Variants in SYNE2 observed in about 807,000 individuals in gnomAD.
SYNE2 encodes the protein spectrin repeat containing nuclear envelope protein 2.
In SYNE2, 431 loss-of-function variants were observed where a neutral mutation model predicts 856.3. The observed-to-expected ratio is 0.50, with a 90% CI of 0.47 to 0.55. The LOEUF is 0.55. SYNE2 is among the 20% of genes least tolerant of loss of function. The pLI, the probability that SYNE2 is intolerant of heterozygous loss-of-function variation, is 0.00. For synonymous variants in SYNE2, 2,923 were observed against 2,872.3 expected, an observed-to-expected ratio of 1.02 and a Z score of -0.56; for missense variants, 8,129 against 8,023.2, an observed-to-expected ratio of 1.01 and a Z score of -0.50.
rs749666719 is a variant in SYNE2, at chr14:64,224,533, G to T, written c.20455G>T (p.Ala6819Ser). 1 of 1,614,004 alleles carries T rather than the reference G, an allele frequency of 6.2e-7. No homozygotes were observed. Among genetic ancestry groups the T allele is most frequent in the Non-Finnish European group, 8.5e-7 (1 of 1,180,028 alleles). ...GDQPPATSVP[A>S]PRAKFRAVRT... ...CCAGCCTCCTGCAACATCCGTGCCAGCTCCCCGAGCAAAGGTAAGAAGCCC... is the reference window on the plus strand; with the variant it reads ...CCAGCCTCCTGCAACATCCGTGCCATCTCCCCGAGCAAAGGTAAGAAGCCC... The change falls in exon 114 of 116, where the codon GCT becomes TCT. Residue 6819 changes from alanine (A) to serine (S), a missense_variant. By Grantham distance (99) the Ala-to-Ser change is moderately conservative. Coordinates refer to ENST00000555002, the MANE Select transcript of SYNE2 (RefSeq NM_182914.3).
intron 84 of SYNE2, among the ~76,000 whole-genome samples, chr14:64,149,997 T>C (rs1028292864): frequency 2.7e-4 from 39 of 145,244 alleles, no homozygotes; most frequent in Non-Finnish European, 4.2e-4. Context: ...ATGGCTTTTT[T>C]TTTTCTTTTC....
intron 60 of SYNE2, 92 bp from the exon 61 acceptor site, chr14:64,093,257 A>G (rs1190526071): frequency 6.7e-7 from 1 of 1,485,376 alleles, no homozygotes; most frequent in Non-Finnish European, 9.3e-7. Context: ...GCTGTGAGTG[A>G]TTAAAACTTC....
intron 1 of SYNE2, among the ~76,000 whole-genome samples, chr14:63,766,884 A>G (rs1421612559): frequency 1.3e-5 from 2 of 152,162 alleles, no homozygotes; most frequent in African/African-American, 4.8e-5. Context: ...GAAGGTAGGT[A>G]GTACAGAGGA....
intron 100 of SYNE2, chr14:64,208,220 G>T: frequency 2.2e-6 from 1 of 453,520 alleles, no homozygotes; most frequent in Non-Finnish European, 4.4e-6. Context: ...TCTCCCTTGG[G>T]CTCATGAAGC....
rs1352449938 is a variant in SYNE2 at position 64,087,865 on chromosome 14, GC to G, written c.11670+10del. ...TTCAGCGAATGGCTGATGTAAGTTT[GC>G]ACCATTCATTTAATCATTCAGGATT... On this transcript the variant is annotated intron_variant, in intron 58 of 115. Coordinates refer to ENST00000555002, the MANE Select transcript of SYNE2 (RefSeq NM_182914.3). The G allele has an allele frequency of 1.9e-6, 3 of 1,613,324 alleles. No individual in the cohort carries two copies. The highest frequency in any genetic ancestry group is 2.5e-6 in the Non-Finnish European group (3 of 1,179,516).
At chr14:63,981,637 T>C (rs902666983) in intron 16 of SYNE2, among the ~76,000 whole-genome samples, 1 of 152,230 alleles carries the variant, frequency 6.6e-6, no homozygotes, top group East Asian at 1.9e-4. Flanking sequence ...CCGTAACTTA[T>C]GTGTAGAGGT....
chr14:64,195,640 C>G (rs555801218), intron 99 of SYNE2, among the ~76,000 whole-genome samples: 3 of 152,228 alleles, frequency 2.0e-5, no homozygotes, highest in Non-Finnish European at 4.4e-5. Flanking sequence ...TCAGAAGTTA[C>G]GACCGTGGCA....
intron 11 of SYNE2, among the ~76,000 whole-genome samples, chr14:63,971,373 A>G (rs2096474624): frequency 6.6e-6 from 1 of 152,010 alleles, no homozygotes; most frequent in Non-Finnish European, 1.5e-5. Flanking sequence ...GCCTTGGCCT[A>G]CTGAAGTGCT....
At chr14:64,029,369 G>T (rs940425479) in intron 43 of SYNE2, among the ~76,000 whole-genome samples, 4 of 152,132 alleles carry the variant, frequency 2.6e-5, no homozygotes, top group Non-Finnish European at 5.9e-5. Flanking sequence ...TGTGGTCATT[G>T]TATTTTCCTA....
intron 1 of SYNE2, among the ~76,000 whole-genome samples, chr14:63,878,461 A>G (rs1177853675): frequency 2.0e-5 from 3 of 152,166 alleles, no homozygotes; most frequent in Non-Finnish European, 2.9e-5. Context: ...AATCAAGACA[A>G]TCATTTGCTG....
intron 8 of SYNE2, among the ~76,000 whole-genome samples, chr14:63,957,810 CT>C (rs533194884): frequency 6.6e-6 from 1 of 152,194 alleles, no homozygotes; most frequent in Non-Finnish European, 1.5e-5. Context: ...TGAAGTTACT[CT>C]TTTTTTCCCC....
In SYNE2 at chr14:64,175,150, A is replaced by G; in HGVS notation, c.17430+12A>G. On this transcript the variant is annotated intron_variant, in intron 95 of 115. Transcript: ENST00000555002. The stretch of plus-strand genomic sequence containing the variant: ...AGAGCACTGTAGAGGTAAACTCACC[A>G]CTTACTTTTCCATTCATGATATTCA... 7 of 1,613,646 alleles carry G rather than the reference A, an allele frequency of 4.3e-6. No individual in the cohort carries two copies. Among genetic ancestry groups the G allele is most frequent in the Non-Finnish European group, 5.9e-6 (7 of 1,179,682 alleles).
intron 10 of SYNE2, among the ~76,000 whole-genome samples, chr14:63,964,370 T>C (rs1412267396): frequency 6.6e-6 from 1 of 152,226 alleles, no homozygotes; most frequent in Non-Finnish European, 1.5e-5. Flanking sequence ...ATTTAAGTAT[T>C]GCCAGTCACT....
intron 1 of SYNE2, among the ~76,000 whole-genome samples, chr14:63,768,623 C>G (rs1000468967): frequency 1.3e-5 from 2 of 152,128 alleles, no homozygotes; most frequent in Non-Finnish European, 2.9e-5. Flanking sequence ...TTTTCAAACT[C>G]TTAGCAGCCA....
chr14:64,158,553 A>G (rs1327867876), intron 85 of SYNE2, 72 bp from the exon 86 acceptor site: 32 of 1,529,798 alleles, frequency 2.1e-5, no homozygotes, highest in Non-Finnish European at 2.8e-5. Flanking sequence ...AATTGGACAC[A>G]ATGGTAGATC....
chr14:64,031,493 A>C (rs2097034400), intron 45 of SYNE2, 136 bp downstream of exon 45: 4 of 800,554 alleles, frequency 5.0e-6, no homozygotes, highest in Non-Finnish European at 8.3e-6. Flanking sequence ...TATGAAGCCT[A>C]CTTGTAAAAA....
chr14:63,967,737 A>G lies in SYNE2; in HGVS notation c.1019A>G (p.Asn340Ser), dbSNP rs762552014. The change falls in exon 11 of 116, where the codon AAT (asparagine) becomes AGT (serine). Residue 340 changes from asparagine (N) to serine (S), a missense_variant. Asn to Ser is a conservative substitution (Grantham distance 46). Transcript: ENST00000555002. Reference sequence around the variant, plus strand: ...CTGCTGTCCTTTATGGAGTCATTCAATGAAGAAAAAAAGTCCTTTTTGGAT... The same window carrying G: ...CTGCTGTCCTTTATGGAGTCATTCAGTGAAGAAAAAAAGTCCTTTTTGGAT... ...NSLLSFMESF[N>S]EEKKSFLDVL... The G allele has an allele frequency of 1.1e-5, 18 of 1,614,046 alleles. No homozygotes were observed. The highest frequency in any genetic ancestry group is 3.3e-5 in the Admixed American group (2 of 60,008).
intron 96 of SYNE2, among the ~76,000 whole-genome samples, chr14:64,180,255 T>G (rs2098451974): frequency 6.6e-6 from 1 of 152,226 alleles, no homozygotes; most frequent in Non-Finnish European, 1.5e-5. Flanking sequence ...ACATCTTTAT[T>G]TCAGGTGTGA....
intron 2 of SYNE2, among the ~76,000 whole-genome samples, chr14:63,927,703 C>A (rs895248725): frequency 1.2e-4 from 19 of 152,088 alleles, no homozygotes; most frequent in African/African-American, 4.6e-4. Context: ...ACCAGCCTGG[C>A]CAACATGGTG....
Sources: gnomAD v4.1 joint callset for allele counts (sites outside exome capture counted in the v4.1 genomes callset) on GRCh38, gnomAD v4.1.1 for gene constraint, MANE v1.5 for transcripts, NCBI Gene and HGNC (gene_info 2026-07-23, HGNC 2026-07-21) for gene names.